PRKAR1A: variants seen among roughly 807,000 people sequenced by gnomAD.
PRKAR1A encodes the protein protein kinase cAMP-dependent type I regulatory subunit alpha, also known as cAMP-dependent protein kinase type I-alpha regulatory subunit.
Under a neutral mutation model 52.0 loss-of-function variants are expected in PRKAR1A, and 3 were observed. The ratio of observed to expected loss-of-function variants is 0.06; its 90% CI spans 0.03 to 0.15. The LOEUF (loss-of-function observed/expected upper bound fraction) is 0.15, where lower values mean the gene tolerates loss of function less well. Among genes scored for constraint, PRKAR1A ranks in the 10% least tolerant of loss-of-function variants. The pLI is 1.00. For synonymous variants in PRKAR1A, 188 were observed against 168.4 expected (o/e 1.12, Z -0.90); for missense variants, 240 against 477.4 (o/e 0.50, Z 4.63).
the PRKAR1A span, among the ~76,000 whole-genome samples, chr17:68,474,763 C>T: frequency 6.6e-6 from 1 of 151,978 alleles, no homozygotes; most frequent in Non-Finnish European, 1.5e-5. Flanking sequence ...GGCGTGGTGG[C>T]GGGCGCCTGT....
At chr17:68,485,174 A>G in the PRKAR1A span, among the ~76,000 whole-genome samples, 1 of 152,228 alleles carries the variant, frequency 6.6e-6, no homozygotes, top group Non-Finnish European at 1.5e-5. Context: ...AACAAGCAGT[A>G]GTTTACGCAC....
chr17:68,457,218 C>T, the PRKAR1A span: 1 of 1,176,610 alleles, frequency 8.5e-7, no homozygotes, highest in Non-Finnish European at 1.2e-6. Flanking sequence ...GCGTCCGAAG[C>T]AGACACCGGC....
upstream of PRKAR1A, chr17:68,512,422 T>C (rs1157685050): frequency 6.5e-6 from 1 of 153,014 alleles, no homozygotes; most frequent in Non-Finnish European, 1.5e-5. Flanking sequence ...GGCCAGGCCG[T>C]TTCCGGTGGA....
the PRKAR1A span, chr17:68,450,967 A>T: frequency 1.3e-6 from 2 of 1,542,564 alleles, no homozygotes; most frequent in Non-Finnish European, 1.7e-6. Context: ...CCTCCATGAC[A>T]CTGGGCCCGG....
the PRKAR1A span, chr17:68,434,745 C>G: frequency 1.0e-6 from 1 of 959,684 alleles, no homozygotes; most frequent in Non-Finnish European, 1.6e-6. Context: ...GGAAGAACAC[C>G]ACGTTGAGCA....
chr17:68,504,289 A>G, the PRKAR1A span, among the ~76,000 whole-genome samples: 1 of 149,482 alleles, frequency 6.7e-6, no homozygotes, highest in African/African-American at 2.4e-5. Flanking sequence ...ACATGATGAA[A>G]CCCCATCTCT....
chr17:68,529,394 C>G (rs953088000), intron 9 of PRKAR1A, among the ~76,000 whole-genome samples: 8 of 152,160 alleles, frequency 5.3e-5, no homozygotes, highest in Non-Finnish European at 7.4e-5. Context: ...TCTCCACATT[C>G]CATGGAAATG....
At chr17:68,496,334 G>A in the PRKAR1A span, among the ~76,000 whole-genome samples, 12 of 151,796 alleles carry the variant, frequency 7.9e-5, no homozygotes, top group African/African-American at 1.9e-4. Context: ...GAGCCACTGC[G>A]CCCGGCCCTC....
At chr17:68,420,416 C>T in the PRKAR1A span, 1 of 1,614,226 alleles carries the variant, frequency 6.2e-7, no homozygotes, top group Admixed American at 1.7e-5. Flanking sequence ...TTCAGTAACT[C>T]CCTGCTGTAA....
the PRKAR1A span, among the ~76,000 whole-genome samples, chr17:68,489,021 A>G: frequency 3.2e-3 from 474 of 149,774 alleles, 3 homozygotes; most frequent in African/African-American, 0.011. Context: ...TTGAAAAAAA[A>G]TGCTCAGATT....
chr17:68,549,608 T>C (rs1258058106), intron 11 of PRKAR1A, among the ~76,000 whole-genome samples: 1 of 152,224 alleles, frequency 6.6e-6, no homozygotes, highest in African/African-American at 2.4e-5. Flanking sequence ...ATCATTACTT[T>C]TATGCTTCTC....
chr17:68,426,140 C>T, the PRKAR1A span: 2 of 1,612,070 alleles, frequency 1.2e-6, no homozygotes, highest in Non-Finnish European at 8.5e-7. Context: ...TCAGGAATAA[C>T]TTCTCCTCGC....
chr17:68,445,380 C>T, the PRKAR1A span, among the ~76,000 whole-genome samples: 68 of 152,182 alleles, frequency 4.5e-4, no homozygotes, highest in Admixed American at 2.0e-4. Flanking sequence ...TCTCCATCAC[C>T]AAATCTTAGG....
chr17:68,453,663 G>C, the PRKAR1A span, among the ~76,000 whole-genome samples: 1 of 151,986 alleles, frequency 6.6e-6, no homozygotes, highest in Non-Finnish European at 1.5e-5. Flanking sequence ...ATTTTTAGTA[G>C]AGACAGGGTT....
chr17:68,426,251 G>GGGGGGGGGGGGGGTA, the PRKAR1A span: 1 of 825,460 alleles, frequency 1.2e-6, no homozygotes, highest in Admixed American at 2.3e-5. Context: ...GTGGGGAGCG[G>GGGGGGGGGGGGGGTA]GGGCTCAAAT....
the PRKAR1A span, chr17:68,426,994 A>AGGG: frequency 1.8e-5 from 12 of 684,872 alleles, no homozygotes; most frequent in South Asian, 2.2e-4. Flanking sequence ...CTCCACCCCC[A>AGGG]GGTAACAGTG....
At chr17:68,455,008 A>G in the PRKAR1A span, among the ~76,000 whole-genome samples, 1 of 152,220 alleles carries the variant, frequency 6.6e-6, no homozygotes, top group African/African-American at 2.4e-5. Context: ...ACAAAATTCT[A>G]ATCACCACTC....
the PRKAR1A span, chr17:68,426,254 G>GGGCCCCCCCCCCCCCC: frequency 2.4e-6 from 2 of 816,872 alleles, no homozygotes; most frequent in East Asian, 3.5e-5. Context: ...GGGAGCGGGG[G>GGGCCCCCCCCCCCCCC]CTCAAATAAA....
At chr17:68,481,534 C>T in the PRKAR1A span, among the ~76,000 whole-genome samples, 2 of 152,282 alleles carry the variant, frequency 1.3e-5, no homozygotes, top group East Asian at 3.9e-4. Context: ...GTTCTTGCTG[C>T]TATAATAATC....
Sources: gnomAD v4.1 joint callset for allele counts (sites outside exome capture counted in the v4.1 genomes callset) on GRCh38, gnomAD v4.1.1 for gene constraint, MANE v1.5 for transcripts, NCBI Gene and HGNC (gene_info 2026-07-23, HGNC 2026-07-21) for gene names.